The following TRAF6 variants were observed in gnomAD, a reference collection of about 807,000 sequenced individuals.
TRAF6 encodes the protein TNF receptor-associated factor 6.
In TRAF6, 10 loss-of-function variants were observed where a neutral mutation model predicts 48.4. The ratio of observed to expected loss-of-function variants is 0.21; its 90% CI spans 0.13 to 0.35. TRAF6 has a LOEUF of 0.35. Among genes scored for constraint, TRAF6 ranks in the 10% least tolerant of loss-of-function variants. The probability of loss-of-function intolerance (pLI) is 1.00; values close to 1 mark genes in which losing one functional copy is unlikely to be tolerated. For missense variants in TRAF6, 397 were observed against 661.0 expected (o/e 0.60, Z 4.38); for synonymous variants, 186 against 219.6 (o/e 0.85, Z 1.35).
chr11:36,501,162 C>A, intron 2 of TRAF6, 58 bp downstream of exon 2: 1 of 1,454,426 alleles, frequency 6.9e-7, no homozygotes, highest in Non-Finnish European at 9.2e-7. Context: ...TTCTATGTAA[C>A]AATGTTCTCT....
chr11:36,501,986 C>G (rs1353332365), intron 1 of TRAF6, among the ~76,000 whole-genome samples: 1 of 152,216 alleles, frequency 6.6e-6, no homozygotes, highest in East Asian at 1.9e-4. Context: ...GTTCACTAAG[C>G]ATCGCTAAAG....
At chr11:36,501,696 T>C (rs1425041749) in intron 1 of TRAF6, 159 bp from the exon 2 acceptor site, 1 of 472,146 alleles carries the variant, frequency 2.1e-6, no homozygotes, top group East Asian at 3.2e-5. Flanking sequence ...GTTTTGAGCT[T>C]TTTCATGACT....
At position 36,489,903 on chromosome 11, in the gene TRAF6, G is replaced by C; in HGVS notation, c.1504C>G (p.Arg502Gly). The stretch of plus-strand genomic sequence containing the variant: ...CTCCGAAGGCTACCCATGTCAAAGC[G>C]GGTGGAGACCTCACAGCGCACTAAT... ...TLLVRCEVST[R>G]FDMGSLRREG... The change falls in exon 7 of 7, where the codon CGC (arginine) becomes GGC (glycine). Residue 502 changes from arginine to glycine, a missense_variant. By Grantham distance (125) the Arg-to-Gly change is moderately radical (BLOSUM62 -2). Transcript: ENST00000526995. 1 of 1,614,194 alleles carries C rather than the reference G, an allele frequency of 6.2e-7. No individual in the cohort carries two copies. Among genetic ancestry groups the C allele is most frequent in the Non-Finnish European group, 8.5e-7 (1 of 1,180,042 alleles).
chr11:36,492,682 T>C, intron 5 of TRAF6, 54 bp from the exon 6 acceptor site: 1 of 1,342,476 alleles, frequency 7.4e-7, no homozygotes. Flanking sequence ...CATTTTCTAG[T>C]TTGATGCGAT....
Position 36,489,737 on chromosome 11 carries a change from T to C in TRAF6, c.*101A>G. 8.1e-7 allele frequency: 1 copy of C among 1,231,452 alleles called. No homozygotes were observed. 76.3% of individuals were successfully genotyped at this position (1,231,452 alleles called of 1,614,324 possible). On this transcript the variant is annotated 3_prime_UTR_variant, in exon 7 of 7. Transcript: ENST00000526995. ...TCTAACAACACTCACTAGTAGATAT[T>C]ACATATTTCCCGTGGCTTGTTTGTT...
At chr11:36,494,129 C>T (rs191175991) in intron 5 of TRAF6, among the ~76,000 whole-genome samples, 1 of 152,198 alleles carries the variant, frequency 6.6e-6, no homozygotes, top group East Asian at 1.9e-4. Flanking sequence ...CTGTGGGAGG[C>T]TAAAGCAGGT....
rs1859451309 is a variant in TRAF6, at chr11:36,484,326, C to T, written c.*5512G>A. The stretch of plus-strand genomic sequence containing the variant: ...GTTTCCCCACCCTTATCTTTGCATT[C>T]ACTCCCTCTCATAAAGGATGCATTT... On this transcript the variant is annotated 3_prime_UTR_variant, in exon 7 of 7. Transcript: ENST00000526995. Among the ~76,000 whole-genome samples the T allele has an allele frequency of 6.6e-6, 1 of 152,204 alleles. No homozygotes were observed. The highest frequency in any genetic ancestry group is 6.5e-5 in the Admixed American group (1 of 15,280).
intron 1 of TRAF6, among the ~76,000 whole-genome samples, chr11:36,507,692 A>C (rs5024407): frequency 0.96 from 38,696 of 40,466 alleles, 18,837 homozygotes; most frequent in Non-Finnish European, 0.99. Context: ...TACATACACG[A>C]GCGTGTATAT....
In TRAF6 at chr11:36,489,457, A is replaced by T; in HGVS notation, c.*381T>A. On this transcript the variant is annotated 3_prime_UTR_variant, in exon 7 of 7. Coordinates refer to ENST00000526995, the MANE Select transcript of TRAF6 (RefSeq NM_004620.4). The stretch of plus-strand genomic sequence containing the variant: ...ATATATTACATATAATACTACAAAA[A>T]GACTGAAGTTTTAAGGAAAATCCAT... The T allele has an allele frequency of 5.1e-6, 1 of 195,672 alleles. No homozygotes were observed. 12.1% of individuals were successfully genotyped at this position (195,672 alleles called of 1,614,324 possible). A position where few individuals can be genotyped will look rare whatever the true frequency, so the allele number is the denominator to read the frequency against.
intron 5 of TRAF6, 28 bp from the exon 6 acceptor site, chr11:36,492,656 T>C (rs757943396): frequency 6.5e-7 from 1 of 1,540,626 alleles, no homozygotes; most frequent in Admixed American, 1.8e-5. Context: ...GGCTGAAAAA[T>C]CTCTTCCTTG....
Position 36,486,690 on chromosome 11 carries a change from C to A in TRAF6, c.*3148G>T, listed in dbSNP as rs140789744. ...AATCATATTGTAGTATACCAATAAA[C>A]AGTCTTTGCTGCCAATAGATAGTAA... On this transcript the variant is annotated 3_prime_UTR_variant, in exon 7 of 7. Transcript: ENST00000526995. Among the ~76,000 whole-genome samples, 1,821 of 152,250 alleles carry A rather than the reference C, an allele frequency of 0.012. 14 individuals are homozygous for A. Among genetic ancestry groups the A allele is most frequent in the Middle Eastern group, 0.024 (7 of 294 alleles).
At chr11:36,499,514 A>T (rs1859687144) in intron 2 of TRAF6, among the ~76,000 whole-genome samples, 1 of 152,158 alleles carries the variant, frequency 6.6e-6, no homozygotes, top group African/African-American at 2.4e-5. Context: ...AAGCTGCTGA[A>T]GATTAGCTAC....
At chr11:36,502,185 A>G (rs1033194104) in intron 1 of TRAF6, among the ~76,000 whole-genome samples, 1 of 152,220 alleles carries the variant, frequency 6.6e-6, no homozygotes, top group Non-Finnish European at 1.5e-5. Flanking sequence ...CTAAAATTCT[A>G]TAAGGACTTC....
intron 5 of TRAF6, 67 bp from the exon 6 acceptor site, chr11:36,492,695 C>T (rs16928973): frequency 0.017 from 20,597 of 1,222,076 alleles, 310 homozygotes; most frequent in East Asian, 0.079. Flanking sequence ...GATGCGATCA[C>T]ATTTAAACTG....
chr11:36,504,530 A>G (rs569082468), intron 1 of TRAF6, among the ~76,000 whole-genome samples: 37 of 152,140 alleles, frequency 2.4e-4, no homozygotes, highest in Non-Finnish European at 4.7e-4. Flanking sequence ...TGCTATTTCT[A>G]CCATCTTCAG....
chr11:36,508,001 G>C (rs1404375611), intron 1 of TRAF6, among the ~76,000 whole-genome samples: 1 of 151,306 alleles, frequency 6.6e-6, no homozygotes, highest in African/African-American at 2.4e-5. Flanking sequence ...GACTACAGGT[G>C]TGTGCCACCA....
chr11:36,493,512 G>C (rs1182247206), intron 5 of TRAF6, among the ~76,000 whole-genome samples: 1 of 152,092 alleles, frequency 6.6e-6, no homozygotes, highest in African/African-American at 2.4e-5. Flanking sequence ...TACACACATG[G>C]GTATGACTGT....
rs1408002698 is a variant in TRAF6, at chr11:36,487,545, T to C, written c.*2293A>G. 6.6e-6 allele frequency: 1 copy of C among 152,190 alleles called. No individual in the cohort carries two copies. The highest frequency in any genetic ancestry group is 2.4e-5 in the African/African-American group (1 of 41,440). 9.4% of individuals were successfully genotyped at this position (152,190 alleles called of 1,614,324 possible). On this transcript the variant is annotated 3_prime_UTR_variant, in exon 7 of 7. Coordinates refer to ENST00000526995, the MANE Select transcript of TRAF6 (RefSeq NM_004620.4). ...AGTATCAGTGTCAGCAAAGAGTAAG[T>C]TAAAGACATTTTATACTGGCAAAAT... is the stretch of plus-strand genomic sequence containing the variant.
rs1454112620 is a variant in TRAF6 at position 36,488,225 on chromosome 11, A to G, written c.*1613T>C. The stretch of plus-strand genomic sequence containing the variant: ...TAACTAGCCATGAGCTTGTGGTACT[A>G]ATGGTGGCACGGGAAACAAGGTCTC... On this transcript the variant is annotated 3_prime_UTR_variant, in exon 7 of 7. Coordinates refer to ENST00000526995, the MANE Select transcript of TRAF6 (RefSeq NM_004620.4). 1 of 149,912 alleles carries G rather than the reference A, an allele frequency of 6.7e-6. No homozygotes were observed. The highest frequency in any genetic ancestry group is 1.5e-5 in the Non-Finnish European group (1 of 67,578). 9.3% of individuals were successfully genotyped at this position (149,912 alleles called of 1,614,324 possible).
Sources: gnomAD v4.1 joint callset for allele counts (sites outside exome capture counted in the v4.1 genomes callset) on GRCh38, gnomAD v4.1.1 for gene constraint, MANE v1.5 for transcripts, NCBI Gene and HGNC (gene_info 2026-07-23, HGNC 2026-07-21) for gene names.